FRAS1: variants seen among roughly 807,000 people sequenced by gnomAD.
The protein encoded by FRAS1 is extracellular matrix organizing protein FRAS1.
A neutral mutation model predicts 435.2 loss-of-function variants in FRAS1; 290 were observed. The observed-to-expected ratio is 0.67, with a 90% CI of 0.61 to 0.73. The LOEUF (loss-of-function observed/expected upper bound fraction) is 0.73. Among genes scored for constraint, FRAS1 ranks in the 30% least tolerant of loss-of-function variants. FRAS1 has a pLI of 0.00. For synonymous variants in FRAS1, 1,800 were observed against 1,851.0 expected, an observed-to-expected ratio of 0.97 and a Z score of 0.71; for missense variants, 4,860 against 5,001.5, an observed-to-expected ratio of 0.97 and a Z score of 0.85.
chr4:78,178,627 C>T (rs1031822457), intron 2 of FRAS1, among the ~76,000 whole-genome samples: 3 of 152,186 alleles, frequency 2.0e-5, no homozygotes, highest in African/African-American at 7.2e-5. Context: ...TGACACTCAC[C>T]AAGAAACAGC....
chr4:78,307,746 C>A (rs1728842400), intron 14 of FRAS1, among the ~76,000 whole-genome samples: 1 of 152,220 alleles, frequency 6.6e-6, no homozygotes. Context: ...CTGACCTGCG[C>A]CCACTGTCTG....
At chr4:78,362,827 A>G (rs923651635) in intron 20 of FRAS1, among the ~76,000 whole-genome samples, 6 of 151,610 alleles carry the variant, frequency 4.0e-5, no homozygotes, top group East Asian at 1.9e-4. Flanking sequence ...CTCTTCCCCA[A>G]AGTCAGGCTG....
chr4:78,375,103 A>G (rs916638568), intron 25 of FRAS1, among the ~76,000 whole-genome samples: 8 of 152,162 alleles, frequency 5.3e-5, no homozygotes, highest in Non-Finnish European at 1.2e-4. Context: ...AGGCAGTAAA[A>G]ATGCTTCATT....
intron 18 of FRAS1, among the ~76,000 whole-genome samples, chr4:78,330,833 C>T (rs547206876): frequency 1.3e-4 from 20 of 152,236 alleles, no homozygotes; most frequent in Non-Finnish European, 2.1e-4. Context: ...CCTGTGACCT[C>T]GCCCTGCCTC....
intron 2 of FRAS1, among the ~76,000 whole-genome samples, chr4:78,198,400 C>CT (rs79096802): frequency 6.6e-6 from 1 of 152,002 alleles, no homozygotes; most frequent in African/African-American, 2.4e-5. Flanking sequence ...TCTCATTCTT[C>CT]TCTTCCACTT....
chr4:78,058,103 C>CCTGTGT lies in FRAS1; in HGVS notation c.76+18_76+19insCTGTGT. 2 of 1,528,910 alleles carry CCTGTGT rather than the reference C, an allele frequency of 1.3e-6. No homozygotes were observed. Among genetic ancestry groups the CCTGTGT allele is most frequent in the East Asian group, 2.3e-5 (1 of 42,896 alleles). The allele number at this position is 1,528,910 out of a possible 1,614,324, so 94.7% of individuals were successfully genotyped here. ...TTCCGAAGGTGAGAGAGCGGTGCCG[C>CCTGTGT]GTGTGTGTGTGTGTGTGCGTGTGCG... is the stretch of plus-strand genomic sequence containing the variant. On this transcript the variant is annotated intron_variant, in intron 1 of 73. Coordinates refer to ENST00000512123, the MANE Select transcript of FRAS1 (RefSeq NM_025074.7).
chr4:78,193,851 A>T (rs1303227141), intron 2 of FRAS1, among the ~76,000 whole-genome samples: 1 of 152,156 alleles, frequency 6.6e-6, no homozygotes, highest in African/African-American at 2.4e-5. Context: ...TAGTTGATGC[A>T]GTTTCTTCCT....
chr4:78,222,412 T>C (rs1238469629), intron 2 of FRAS1, among the ~76,000 whole-genome samples: 1 of 152,168 alleles, frequency 6.6e-6, no homozygotes, highest in East Asian at 1.9e-4. Flanking sequence ...CCGTAACAGC[T>C]CCTAACCACT....
At chr4:78,326,637 G>A (rs1220106554) in intron 18 of FRAS1, among the ~76,000 whole-genome samples, 1 of 152,156 alleles carries the variant, frequency 6.6e-6, no homozygotes, top group East Asian at 1.9e-4. Flanking sequence ...CAGAGTTCAG[G>A]ATTAAAGGCC....
In FRAS1 at chr4:78,515,817, A is replaced by T. The variant is rs780128639; in HGVS notation, c.10193A>T (p.Asp3398Val). 2.5e-6 allele frequency: 4 copies of T among 1,613,798 alleles called. No homozygotes were observed. In the East Asian group the frequency reaches 8.9e-5, roughly 36 times the overall value. Residue 3398 changes from aspartate to valine, a missense_variant, in exon 66 of 74, where the codon GAT (aspartate) becomes GTT (valine). Asp to Val is a radical substitution (Grantham distance 152). Transcript: ENST00000512123. ...RGISEAGFLD[D>V]VVYDSTALGP... is the part of the protein sequence containing the mutation. ...CTGGCAGAGGCAGGGTTCCTGGATG[A>T]TGTGGTCTATGATAGCACTGCCCTG... is the stretch of plus-strand genomic sequence containing the variant.
At chr4:78,309,321 G>A (rs73827964) in intron 15 of FRAS1, among the ~76,000 whole-genome samples, 2,078 of 152,274 alleles carry the variant, frequency 0.014, 54 homozygotes, top group African/African-American at 0.047. Flanking sequence ...AGAGTTTATG[G>A]TAATTTGCTA....
intron 58 of FRAS1, among the ~76,000 whole-genome samples, chr4:78,487,208 T>A (rs976105837): frequency 2.6e-5 from 4 of 152,210 alleles, no homozygotes; most frequent in African/African-American, 9.6e-5. Context: ...CAGTTGTTAA[T>A]TTTCCTTTAG....
At chr4:78,065,664 C>G (rs1423872310) in intron 1 of FRAS1, among the ~76,000 whole-genome samples, 6 of 152,088 alleles carry the variant, frequency 3.9e-5, no homozygotes, top group Admixed American at 3.9e-4. Context: ...GTAAATGGGA[C>G]TGGATTATGG....
intron 2 of FRAS1, among the ~76,000 whole-genome samples, chr4:78,118,722 C>T (rs1030404820): frequency 6.6e-6 from 1 of 152,176 alleles, no homozygotes; most frequent in Non-Finnish European, 1.5e-5. Context: ...TCTGTCAACC[C>T]TTTCTTTGAC....
At chr4:78,361,927 C>T (rs553593170) in intron 20 of FRAS1, among the ~76,000 whole-genome samples, 45 of 152,134 alleles carry the variant, frequency 3.0e-4, no homozygotes, top group Non-Finnish European at 5.6e-4. Flanking sequence ...GGGTTTTCTC[C>T]TGCCTTTGGG....
chr4:78,449,656 G>T (rs1003977086), intron 44 of FRAS1, among the ~76,000 whole-genome samples: 4 of 152,116 alleles, frequency 2.6e-5, no homozygotes, highest in Non-Finnish European at 5.9e-5. Context: ...AGATCTCCTT[G>T]CTCCTAACAT....
intron 20 of FRAS1, among the ~76,000 whole-genome samples, chr4:78,343,614 A>G (rs920663934): frequency 6.6e-6 from 1 of 152,138 alleles, no homozygotes; most frequent in Non-Finnish European, 1.5e-5. Context: ...TTTCCCATTT[A>G]TTGTCACCAT....
At chr4:78,494,040 C>T (rs1720442375) in intron 59 of FRAS1, among the ~76,000 whole-genome samples, 2 of 151,870 alleles carry the variant, frequency 1.3e-5, no homozygotes, top group South Asian at 2.1e-4. Context: ...TTTACCCCTA[C>T]TCTCCAGCCA....
At chr4:78,234,931 A>G (rs1434503270) in intron 2 of FRAS1, among the ~76,000 whole-genome samples, 3 of 152,206 alleles carry the variant, frequency 2.0e-5, no homozygotes, top group African/African-American at 7.2e-5. Flanking sequence ...TATACGTCCT[A>G]TTGGATATCT....
Sources: gnomAD v4.1 joint callset for allele counts (sites outside exome capture counted in the v4.1 genomes callset) on GRCh38, gnomAD v4.1.1 for gene constraint, MANE v1.5 for transcripts, NCBI Gene and HGNC (gene_info 2026-07-23, HGNC 2026-07-21) for gene names.